The following KIF13A variants were observed in gnomAD, a reference collection of about 807,000 sequenced individuals.
The protein encoded by KIF13A is kinesin-like protein KIF13A.
KIF13A carries 79 observed loss-of-function variants against 212.2 expected under a neutral mutation model. The observed-to-expected ratio is 0.37, with a 90% CI of 0.31 to 0.45. KIF13A has a LOEUF of 0.45. Among genes scored for constraint, KIF13A ranks in the 20% least tolerant of loss-of-function variants. The pLI is 1.00. For missense variants in KIF13A, 1,901 were observed against 2,209.0 expected (o/e 0.86, Z 2.79); for synonymous variants, 789 against 808.6 (o/e 0.98, Z 0.41).
intron 16 of KIF13A, among the ~76,000 whole-genome samples, chr6:17,822,743 G>A (rs1000708832): frequency 6.6e-6 from 1 of 152,294 alleles, no homozygotes; most frequent in East Asian, 1.9e-4. Flanking sequence ...ATCCACTCAG[G>A]CTTCCAAAAG....
Position 17,772,012 on chromosome 6 carries a change from C to T in KIF13A, c.4372G>A (p.Ala1458Thr). The T allele has an allele frequency of 6.2e-7, 1 of 1,613,908 alleles. No homozygotes were observed. Among genetic ancestry groups the T allele is most frequent in the East Asian group, 2.2e-5 (1 of 44,886 alleles). The change falls in exon 37 of 39, where the codon GCA becomes ACA. Residue 1458 changes from alanine to threonine, a missense_variant. This residue lies in a region of KIF13A where 687 missense variants were observed against 759.1 expected (regional missense o/e 0.90). Transcript: ENST00000259711. The surrounding 1 kb of genome is among the most constrained non-coding windows in gnomAD (Gnocchi z 4.8). Reference protein sequence around the residue: ...PHALTVSPFKAFSPQPPKFFK... With the variant: ...PHALTVSPFKTFSPQPPKFFK... ...AACTTTGGTGGCTGAGGAGAGAATGCTTTAAAAGGGCTGACGGTTAAGGCA... is the reference window on the plus strand; with the variant it reads ...AACTTTGGTGGCTGAGGAGAGAATGTTTTAAAAGGGCTGACGGTTAAGGCA...
In KIF13A at chr6:17,987,243, G is replaced by T. The variant is rs1278683398; in HGVS notation, c.56-99C>A. The T allele has an allele frequency of 9.7e-7, 1 of 1,035,336 alleles. No homozygotes were observed. 64.1% of individuals were successfully genotyped at this position (1,035,336 alleles called of 1,614,324 possible). On this transcript the variant is annotated intron_variant, in intron 1 of 38. Transcript: ENST00000259711. The surrounding 1 kb of genome is among the most constrained non-coding windows in gnomAD (Gnocchi z 7.7). ...CGAGCGGGGCTCCGTCCCTGGAGGC[G>T]GCCGAGCCTGGAGACGGCGCCCCGG... is the stretch of plus-strand genomic sequence containing the variant.
intron 6 of KIF13A, among the ~76,000 whole-genome samples, chr6:17,854,652 T>C (rs1277141749): frequency 7.1e-6 from 1 of 140,144 alleles, no homozygotes; most frequent in African/African-American, 2.7e-5. Flanking sequence ...GCCTCCTGGG[T>C]TCAAGTGATT....
chr6:17,941,684 C>T (rs1050975528), intron 2 of KIF13A, among the ~76,000 whole-genome samples: 1 of 151,712 alleles, frequency 6.6e-6, no homozygotes, highest in Non-Finnish European at 1.5e-5. Context: ...CTTCCAGCCT[C>T]CAGGGTAGTG....
chr6:17,956,404 G>A lies in KIF13A; in HGVS notation c.146+30650C>T, dbSNP rs73724073. On this transcript the variant is annotated intron_variant, in intron 2 of 38. Transcript: ENST00000259711. Reference sequence around the variant, plus strand: ...ATGCAGCCAAGTGCCACCTGTTTGTGGTCCTCCCTGATTAGCAGTCTTGTC... The same window carrying A: ...ATGCAGCCAAGTGCCACCTGTTTGTAGTCCTCCCTGATTAGCAGTCTTGTC... Among the ~76,000 whole-genome samples the A allele has an allele frequency of 1.2e-3, 178 of 152,260 alleles. 2 individuals are homozygous for A. Among genetic ancestry groups the A allele is most frequent in the African/African-American group, 3.9e-3 (160 of 41,548 alleles).
intron 22 of KIF13A, among the ~76,000 whole-genome samples, chr6:17,798,142 C>T (rs1008145077): frequency 1.6e-4 from 25 of 151,934 alleles, no homozygotes; most frequent in Non-Finnish European, 2.9e-5. Flanking sequence ...TGAAGATAGA[C>T]CCAGAATTTA....
At chr6:17,807,375 A>G (rs1351371976) in intron 18 of KIF13A, among the ~76,000 whole-genome samples, 1 of 151,954 alleles carries the variant, frequency 6.6e-6, no homozygotes, top group African/African-American at 2.4e-5. Context: ...GAGGTCTATA[A>G]ACGGCCGCTC....
chr6:17,838,933 C>T lies in KIF13A; in HGVS notation c.831-1350G>A, dbSNP rs1372323366. Among the ~76,000 whole-genome samples, 3 of 152,160 alleles carry T rather than the reference C, an allele frequency of 2.0e-5. No homozygotes were observed. The East Asian group carries it at 5.8e-4, about 29-fold the overall frequency. ...CTCCCAGGTTCAAGAGATTCTCCTG[C>T]CTCAGCCTCCTGAGTAGCTGGGATT... On this transcript the variant is annotated intron_variant, in intron 9 of 38. Transcript: ENST00000259711. The surrounding 1 kb of genome is among the most constrained non-coding windows in gnomAD (Gnocchi z 4.2).
chr6:17,900,904 C>T lies in KIF13A; in HGVS notation c.147-2724G>A, dbSNP rs988425766. Among the ~76,000 whole-genome samples, 6 of 151,854 alleles carry T rather than the reference C, an allele frequency of 4.0e-5. No individual in the cohort carries two copies. The East Asian group carries it at 9.7e-4, about 24-fold the overall frequency. On this transcript the variant is annotated intron_variant, in intron 2 of 38. Transcript: ENST00000259711. This position sits in a 1 kb window ranked among gnomAD's most constrained non-coding sequence, Gnocchi z 4.6. ...CCATCCTGGTTAACACGGTGAAACC[C>T]CGCCTCTACTAAAAATACAAAAAAT...
chr6:17,876,363 T>C (rs757739858), intron 3 of KIF13A, among the ~76,000 whole-genome samples: 6 of 152,190 alleles, frequency 3.9e-5, no homozygotes, highest in Non-Finnish European at 8.8e-5. Context: ...CCAGTGGAAC[T>C]TGTCCTTACC....
intron 16 of KIF13A, chr6:17,821,881 G>A (rs780612412): frequency 1.3e-6 from 2 of 1,535,268 alleles, no homozygotes; most frequent in East Asian, 2.4e-5. Flanking sequence ...CCACCAGGCA[G>A]ACAGGCTTAT....
chr6:17,766,198 A>C (rs1758946206), intron 38 of KIF13A, among the ~76,000 whole-genome samples: 2 of 143,716 alleles, frequency 1.4e-5, no homozygotes, highest in Admixed American at 1.4e-4. Context: ...CATTTTATTA[A>C]TTTACTTATT....
At position 17,816,721 on chromosome 6, in the gene KIF13A, G is replaced by A. The variant is rs1179098475; in HGVS notation, c.2000+299C>T. On this transcript the variant is annotated intron_variant, in intron 17 of 38. Coordinates refer to ENST00000259711, the MANE Select transcript of KIF13A (RefSeq NM_022113.6). The surrounding 1 kb of genome is among the most constrained non-coding windows in gnomAD (Gnocchi z 4.3). ...AAGAAAAAAATGCTTTTGTGTTAAA[G>A]AAATTATTCAAACTTTCTAAATTTC... Among the ~76,000 whole-genome samples the A allele has an allele frequency of 7.1e-6, 1 of 140,844 alleles. No individual in the cohort carries two copies. Among genetic ancestry groups the A allele is most frequent in the Non-Finnish European group, 1.6e-5 (1 of 62,622 alleles). 92.4% of individuals were successfully genotyped at this position (140,844 alleles called of 152,430 possible).
chr6:17,794,505 C>A lies in KIF13A; in HGVS notation c.3075+67G>T. 1.3e-6 allele frequency: 2 copies of A among 1,560,424 alleles called. No homozygotes were observed. Among genetic ancestry groups the A allele is most frequent in the Non-Finnish European group, 1.7e-6 (2 of 1,152,312 alleles). ...AAGATACAAATAGTTAGAAAATCCC[C>A]AGAAACAATGTGTAAGAGTGGAACA... On this transcript the variant is annotated intron_variant, in intron 24 of 38. Coordinates refer to ENST00000259711, the MANE Select transcript of KIF13A (RefSeq NM_022113.6). This position sits in a 1 kb window ranked among gnomAD's most constrained non-coding sequence, Gnocchi z 4.1.
intron 2 of KIF13A, among the ~76,000 whole-genome samples, chr6:17,927,906 C>T (rs1194025145): frequency 6.6e-6 from 1 of 152,218 alleles, no homozygotes; most frequent in South Asian, 2.1e-4. Context: ...CCCTACACTC[C>T]AGAGGCTGGC....
rs139639507 is a variant in KIF13A at position 17,865,074 on chromosome 6, C to T, written c.220+8303G>A. Among the ~76,000 whole-genome samples the T allele has an allele frequency of 3.0e-4, 45 of 152,270 alleles. No individual in the cohort carries two copies. In the East Asian group the frequency reaches 7.9e-3, roughly 27 times the overall value. ...AGAGAATGAAATGGGAGGATATACG[C>T]CCTATCTTGTTTAAAATCTGCATTA... On this transcript the variant is annotated intron_variant, in intron 4 of 38. Transcript: ENST00000259711.
chr6:17,843,944 C>G lies in KIF13A; in HGVS notation c.830+5433G>C, dbSNP rs1446103915. 1.3e-5 allele frequency among the ~76,000 whole-genome samples: 2 copies of G among 151,488 alleles called. No homozygotes were observed. Among genetic ancestry groups the G allele is most frequent in the Non-Finnish European group, 1.5e-5 (1 of 67,978 alleles). On this transcript the variant is annotated intron_variant, in intron 9 of 38. Transcript: ENST00000259711. The surrounding 1 kb of genome is among the most constrained non-coding windows in gnomAD (Gnocchi z 5.3). ...CCTATAATCCCAGCTACTCGGGAGG[C>G]TGAGGCAGGAGAATCACTTGAACCC...
chr6:17,875,221 T>C (rs998740645), intron 3 of KIF13A, among the ~76,000 whole-genome samples: 50 of 152,092 alleles, frequency 3.3e-4, no homozygotes, highest in Admixed American at 2.4e-3. Flanking sequence ...CTTTAAGGAA[T>C]CTCCACACTG....
intron 2 of KIF13A, among the ~76,000 whole-genome samples, chr6:17,924,081 G>C (rs981410363): frequency 5.9e-5 from 9 of 151,938 alleles, no homozygotes; most frequent in Non-Finnish European, 1.0e-4. Context: ...CAAGACTCTA[G>C]AATTTTAAAA....
Sources: gnomAD v4.1 joint callset for allele counts (sites outside exome capture counted in the v4.1 genomes callset) on GRCh38, gnomAD v4.1.1 for gene constraint, gnomAD v4.1.1 regional missense constraint, Gnocchi (gnomAD v3.1) non-coding constraint, MANE v1.5 for transcripts, NCBI Gene and HGNC (gene_info 2026-07-23, HGNC 2026-07-21) for gene names.